SLC13A3: variants seen among roughly 807,000 people sequenced by gnomAD.
SLC13A3 encodes the protein Na(+)/dicarboxylate cotransporter 3.
Under a neutral mutation model 59.0 loss-of-function variants are expected in SLC13A3, and 40 were observed. The observed-to-expected ratio is 0.68, with a 90% CI of 0.53 to 0.88. The LOEUF (loss-of-function observed/expected upper bound fraction) is 0.88. SLC13A3 is among the 40% of genes least tolerant of loss of function. SLC13A3 has a pLI of 0.00. For synonymous variants in SLC13A3, 317 were observed against 330.3 expected, an observed-to-expected ratio of 0.96 and a Z score of 0.44; for missense variants, 699 against 783.2, an observed-to-expected ratio of 0.89 and a Z score of 1.28.
intron 9 of SLC13A3, among the ~76,000 whole-genome samples, chr20:46,580,226 G>A (rs1157161444): frequency 2.0e-5 from 3 of 152,152 alleles, no homozygotes; most frequent in African/African-American, 7.2e-5. Context: ...AGAGTGCTGG[G>A]ATTACAGGTG....
At chr20:46,659,443 A>G (rs1452622102) in intron 1 of SLC13A3, among the ~76,000 whole-genome samples, 4 of 152,144 alleles carry the variant, frequency 2.6e-5, no homozygotes, top group Non-Finnish European at 5.9e-5. Flanking sequence ...GTGGCCAAGT[A>G]TGGTTGCTCA....
At chr20:46,607,066 G>A (rs2062443754) in intron 3 of SLC13A3, among the ~76,000 whole-genome samples, 1 of 152,268 alleles carries the variant, frequency 6.6e-6, no homozygotes, top group South Asian at 2.1e-4. Flanking sequence ...TATAAGCACA[G>A]ATTCTGGATT....
At chr20:46,565,268 G>A (rs2061969612) in intron 11 of SLC13A3, among the ~76,000 whole-genome samples, 1 of 152,114 alleles carries the variant, frequency 6.6e-6, no homozygotes, top group South Asian at 2.1e-4. Flanking sequence ...CTCCTTACCT[G>A]GTTTTGGGGC....
intron 5 of SLC13A3, 116 bp from the exon 6 acceptor site, chr20:46,592,645 G>T: frequency 1.0e-6 from 1 of 992,176 alleles, no homozygotes; most frequent in Non-Finnish European, 1.5e-6. Flanking sequence ...AGGGTCCCAT[G>T]GAAGTCTTGG....
upstream of SLC13A3, among the ~76,000 whole-genome samples, chr20:46,674,540 T>C (rs2063110959): frequency 6.6e-6 from 1 of 151,854 alleles, no homozygotes; most frequent in Non-Finnish European, 1.5e-5. Context: ...AGGCCAGGAC[T>C]ATACTCTGTT....
At chr20:46,595,836 G>C (rs6063009) in intron 5 of SLC13A3, among the ~76,000 whole-genome samples, 23,156 of 152,094 alleles carry the variant, frequency 0.15, 1,938 homozygotes, top group East Asian at 0.37. Flanking sequence ...GCCCATCAGA[G>C]AGAACGGGTG....
At chr20:46,607,579 C>A (rs1172247396) in intron 3 of SLC13A3, among the ~76,000 whole-genome samples, 2 of 152,242 alleles carry the variant, frequency 1.3e-5, no homozygotes, top group Non-Finnish European at 2.9e-5. Context: ...TGACATCCTG[C>A]AGCATAGGAA....
intron 1 of SLC13A3, among the ~76,000 whole-genome samples, chr20:46,666,178 A>T (rs1050180287): frequency 6.6e-6 from 1 of 152,214 alleles, no homozygotes; most frequent in Non-Finnish European, 1.5e-5. Context: ...AACACAGATA[A>T]TTTTATGTCA....
intron 4 of SLC13A3, among the ~76,000 whole-genome samples, chr20:46,599,504 C>G (rs926366549): frequency 5.9e-5 from 9 of 152,206 alleles, no homozygotes; most frequent in African/African-American, 2.2e-4. Context: ...ACTACACTGC[C>G]ATAATGCAAA....
At position 46,566,104 on chromosome 20, in the gene SLC13A3, C is replaced by T. The variant is rs145941677; in HGVS notation, c.1494+125G>A. On this transcript the variant is annotated intron_variant, in intron 11 of 12. Coordinates refer to ENST00000279027, the MANE Select transcript of SLC13A3 (RefSeq NM_022829.6). ...AAAAAATTGTACTGTGGTTCTGATA[C>T]GTTCATGTATTTTGGAAGACAGCAA... 5,438 of 738,100 alleles carry T rather than the reference C, an allele frequency of 7.4e-3. 39 individuals are homozygous for T. The highest frequency in any genetic ancestry group is 0.01 in the Non-Finnish European group (4,235 of 423,076). The allele number at this position is 738,100 out of a possible 1,614,324, so 45.7% of individuals were successfully genotyped here. A position where few individuals can be genotyped will look rare whatever the true frequency, so the allele number is the denominator to read the frequency against.
intron 1 of SLC13A3, among the ~76,000 whole-genome samples, chr20:46,683,814 G>C (rs192845989): frequency 1.4e-4 from 22 of 152,274 alleles, no homozygotes; most frequent in African/African-American, 5.3e-4. Flanking sequence ...GCCAGGTCCT[G>C]TGCCAAGCAG....
At chr20:46,656,133 A>T (rs2062988293), upstream of SLC13A3, among the ~76,000 whole-genome samples, 1 of 143,216 alleles carries the variant, frequency 7.0e-6, no homozygotes, top group Non-Finnish European at 1.5e-5. Context: ...TATACCACAC[A>T]GTCTATATTA....
At chr20:46,595,071 GT>G (rs1358618524) in intron 5 of SLC13A3, among the ~76,000 whole-genome samples, 1 of 152,174 alleles carries the variant, frequency 6.6e-6, no homozygotes, top group Non-Finnish European at 1.5e-5. Flanking sequence ...TTGCAGCCAC[GT>G]TGAATATCAA....
chr20:46,566,306 C>T lies in SLC13A3; in HGVS notation c.1417G>A (p.Val473Met), dbSNP rs138354653. Reference protein sequence around the residue: ...PPALAVLLITVVIAFFTEFAS... With the variant: ...PPALAVLLITMVIAFFTEFAS... ...AACTCAGTGAAGAAGGCGATGACCA[C>T]AGTGATGAGCAGCACAGCCAGGGCG... The change falls in exon 11 of 13, where the codon GTG becomes ATG. Residue 473 changes from valine to methionine, a missense_variant. By Grantham distance (21) the Val-to-Met change is conservative (BLOSUM62 1). Transcript: ENST00000279027. 3.1e-4 allele frequency: 503 copies of T among 1,613,514 alleles called. 7 individuals carry two copies. The East Asian group carries it at 0.011, about 35-fold the overall frequency.
upstream of SLC13A3, among the ~76,000 whole-genome samples, chr20:46,651,821 T>G (rs1469908349): frequency 1.3e-5 from 2 of 152,208 alleles, no homozygotes; most frequent in Admixed American, 1.3e-4. Context: ...GGCCACTTAC[T>G]CACTGCGTGG....
chr20:46,659,586 G>C (rs1167140608), intron 1 of SLC13A3, among the ~76,000 whole-genome samples: 1 of 151,752 alleles, frequency 6.6e-6, no homozygotes, highest in African/African-American at 2.4e-5. Context: ...GTAGTTGCAG[G>C]CATCTGTAGT....
intron 9 of SLC13A3, among the ~76,000 whole-genome samples, chr20:46,581,708 G>A (rs948561214): frequency 1.3e-5 from 2 of 152,142 alleles, no homozygotes; most frequent in Non-Finnish European, 2.9e-5. Context: ...ATGAGGAAGT[G>A]GAGTTGGCAG....
At chr20:46,604,089 C>T (rs1016666025) in intron 3 of SLC13A3, among the ~76,000 whole-genome samples, 1 of 152,006 alleles carries the variant, frequency 6.6e-6, no homozygotes, top group African/African-American at 2.4e-5. Context: ...GAAAACAGAG[C>T]ATAGGGAATG....
chr20:46,627,325 A>G (rs1395365729), intron 1 of SLC13A3, among the ~76,000 whole-genome samples: 2 of 152,132 alleles, frequency 1.3e-5, no homozygotes, highest in African/African-American at 4.8e-5. Context: ...GATATAGAAA[A>G]CTATTATTTT....
Sources: allele counts gnomAD v4.1 joint callset (sites outside exome capture counted in the v4.1 genomes callset), GRCh38; gene constraint gnomAD v4.1.1; transcripts MANE v1.5; gene names NCBI Gene and HGNC (gene_info 2026-07-23, HGNC 2026-07-21).